Variants in MALRD1 observed in about 807,000 individuals in gnomAD.
The protein encoded by MALRD1 is MAM and LDL receptor class A domain containing 1.
MALRD1 carries 247 observed loss-of-function variants against 242.1 expected under a neutral mutation model. The observed-to-expected ratio is 1.02, with a 90% CI of 0.92 to 1.13. The LOEUF (loss-of-function observed/expected upper bound fraction) is 1.13. Among genes scored for constraint, MALRD1 ranks in the 50% most tolerant of loss-of-function variants. The pLI, the probability that MALRD1 is intolerant of heterozygous loss-of-function variation, is 0.00. For synonymous variants in MALRD1, 995 were observed against 866.6 expected, an observed-to-expected ratio of 1.15 and a Z score of -2.60; for missense variants, 2,989 against 2,533.1, an observed-to-expected ratio of 1.18 and a Z score of -3.86.
Position 19,193,606 on chromosome 10 carries a change from G to A in MALRD1, c.1952-10122G>A, listed in dbSNP as rs187990119. Among the ~76,000 whole-genome samples the A allele has an allele frequency of 4.9e-4, 74 of 152,122 alleles. 1 individual carries two copies. The South Asian group carries it at 0.011, about 24-fold the overall frequency. On this transcript the variant is annotated intron_variant, in intron 14 of 39. Transcript: ENST00000454679. ...TTATTAAATTGTGCTACAAGACATGGGAATATTAATGCAATTGCACTTGAT... is the reference window on the plus strand; with the variant it reads ...TTATTAAATTGTGCTACAAGACATGAGAATATTAATGCAATTGCACTTGAT...
chr10:19,734,375 A>G lies in MALRD1; in HGVS notation c.*138A>G, dbSNP rs534561026. 2 of 674,252 alleles carry G rather than the reference A, an allele frequency of 3.0e-6. No homozygotes were observed. Among genetic ancestry groups the G allele is most frequent in the South Asian group, 2.4e-5 (1 of 41,166 alleles). The allele number at this position is 674,252 out of a possible 1,614,324, so 41.8% of individuals were successfully genotyped here. On this transcript the variant is annotated 3_prime_UTR_variant, in exon 40 of 40. Transcript: ENST00000454679. Reference sequence around the variant, plus strand: ...GCCAGTGTAATTATAACATTTATGAATGAATTTTCTTGCAGAATATAGAGA... The same window carrying G: ...GCCAGTGTAATTATAACATTTATGAGTGAATTTTCTTGCAGAATATAGAGA...
At chr10:19,381,978 C>G (rs1171172877) in intron 26 of MALRD1, among the ~76,000 whole-genome samples, 1 of 151,830 alleles carries the variant, frequency 6.6e-6, no homozygotes, top group Non-Finnish European at 1.5e-5. Flanking sequence ...TTATTTTGAC[C>G]AATGGTACTA....
intron 34 of MALRD1, among the ~76,000 whole-genome samples, chr10:19,596,907 T>TGGAAAGAGGA (rs1838127600): frequency 6.6e-6 from 1 of 150,904 alleles, no homozygotes; most frequent in Non-Finnish European, 1.5e-5. Context: ...GATGGAAAGA[T>TGGAAAGAGGA]GGAAGGAAGA....
At chr10:19,643,715 C>T (rs1840513526) in intron 36 of MALRD1, among the ~76,000 whole-genome samples, 2 of 152,150 alleles carry the variant, frequency 1.3e-5, no homozygotes, top group African/African-American at 4.8e-5. Flanking sequence ...AGTCCAGAAA[C>T]ACTGCCTATT....
intron 5 of MALRD1, among the ~76,000 whole-genome samples, chr10:19,107,285 T>C (rs1277024927): frequency 6.6e-6 from 1 of 152,012 alleles, no homozygotes; most frequent in African/African-American, 2.4e-5. Context: ...TCTAATAATG[T>C]TTGCTTTATA....
intron 18 of MALRD1, among the ~76,000 whole-genome samples, chr10:19,237,966 TAC>T (rs1190116371): frequency 1.7e-5 from 1 of 58,380 alleles, no homozygotes; most frequent in South Asian, 5.5e-4. Context: ...TGTAATTTTA[TAC>T]AGTTATATAT....
At chr10:19,402,646 GAATAA>G (rs1442897375) in intron 28 of MALRD1, among the ~76,000 whole-genome samples, 1 of 152,058 alleles carries the variant, frequency 6.6e-6, no homozygotes, top group Non-Finnish European at 1.5e-5. Context: ...CCAAAAAAAT[GAATAA>G]AATAAAATAG....
At chr10:19,504,607 TCATACA>T (rs1470262387) in intron 31 of MALRD1, among the ~76,000 whole-genome samples, 2 of 147,454 alleles carry the variant, frequency 1.4e-5, no homozygotes, top group African/African-American at 5.0e-5. Flanking sequence ...GCACACACAC[TCATACA>T]CAGACACACA....
At chr10:19,686,334 G>C (rs1373337334) in intron 36 of MALRD1, among the ~76,000 whole-genome samples, 1 of 152,134 alleles carries the variant, frequency 6.6e-6, no homozygotes, top group Non-Finnish European at 1.5e-5. Context: ...GTCTGCATGT[G>C]TGGGGGCCCA....
chr10:19,232,472 C>G (rs1419665094), intron 18 of MALRD1, among the ~76,000 whole-genome samples: 1 of 152,044 alleles, frequency 6.6e-6, no homozygotes, highest in African/African-American at 2.4e-5. Flanking sequence ...GCCACCACTC[C>G]TGGCCCAAAG....
At chr10:19,295,417 C>T (rs963037617) in intron 21 of MALRD1, among the ~76,000 whole-genome samples, 1 of 151,214 alleles carries the variant, frequency 6.6e-6, no homozygotes, top group Non-Finnish European at 1.5e-5. Context: ...GTCTTTGGTA[C>T]TAATGAAGTT....
At chr10:19,589,864 T>C (rs1317045858) in intron 33 of MALRD1, among the ~76,000 whole-genome samples, 1 of 152,188 alleles carries the variant, frequency 6.6e-6, no homozygotes, top group Non-Finnish European at 1.5e-5. Context: ...TTTGCTTTCC[T>C]GATCTAAGTT....
intron 5 of MALRD1, among the ~76,000 whole-genome samples, chr10:19,105,801 A>G (rs904050544): frequency 2.0e-5 from 3 of 151,812 alleles, no homozygotes; most frequent in Non-Finnish European, 4.4e-5. Context: ...AATTTTTTTC[A>G]TATTCTATTT....
chr10:19,520,407 C>T (rs1833826798), intron 31 of MALRD1, among the ~76,000 whole-genome samples: 1 of 151,080 alleles, frequency 6.6e-6, no homozygotes, highest in South Asian at 2.1e-4. Context: ...CTTAGTTACT[C>T]TAGTTGCTGT....
chr10:19,386,683 GAGAT>G (rs1453780135), intron 26 of MALRD1, among the ~76,000 whole-genome samples: 2 of 148,234 alleles, frequency 1.3e-5, no homozygotes, highest in South Asian at 2.1e-4. Context: ...AGGCACTGGT[GAGAT>G]AGATATATAT....
At chr10:19,074,795 C>T (rs1210926086) in intron 2 of MALRD1, among the ~76,000 whole-genome samples, 1 of 151,782 alleles carries the variant, frequency 6.6e-6, no homozygotes, top group Non-Finnish European at 1.5e-5. Flanking sequence ...AGGCAGATGG[C>T]TTGATTATTT....
intron 5 of MALRD1, among the ~76,000 whole-genome samples, chr10:19,121,918 C>A (rs879488756): frequency 6.6e-6 from 1 of 152,070 alleles, no homozygotes; most frequent in Non-Finnish European, 1.5e-5. Context: ...TCTAGGAAAG[C>A]GGAAAAGGAA....
intron 36 of MALRD1, among the ~76,000 whole-genome samples, chr10:19,629,710 G>A (rs1839824039): frequency 2.0e-5 from 3 of 152,120 alleles, no homozygotes; most frequent in Admixed American, 6.6e-5. Context: ...GGTGGCGCTC[G>A]AGAGACTGGA....
intron 38 of MALRD1, among the ~76,000 whole-genome samples, chr10:19,728,846 T>C (rs1442104319): frequency 6.6e-6 from 1 of 152,254 alleles, no homozygotes; most frequent in Non-Finnish European, 1.5e-5. Flanking sequence ...CCATGCTATG[T>C]ACTGAGATTA....
Sources: gnomAD v4.1 joint callset for allele counts (sites outside exome capture counted in the v4.1 genomes callset) on GRCh38, gnomAD v4.1.1 for gene constraint, MANE v1.5 for transcripts, NCBI Gene and HGNC (gene_info 2026-07-23, HGNC 2026-07-21) for gene names.